The following CUL9 variants were observed in gnomAD, a reference collection of about 807,000 sequenced individuals.
CUL9 encodes the protein cullin-9.
A neutral mutation model predicts 272.6 loss-of-function variants in CUL9; 79 were observed. That is an observed-to-expected ratio of 0.29 (90% CI 0.24 to 0.35). CUL9 has a LOEUF of 0.35. Among genes scored for constraint, CUL9 ranks in the 10% least tolerant of loss-of-function variants. CUL9 has a pLI of 1.00. For missense variants in CUL9, 2,532 were observed against 3,255.6 expected, an observed-to-expected ratio of 0.78 and a Z score of 5.41; for synonymous variants, 1,186 against 1,286.5, an observed-to-expected ratio of 0.92 and a Z score of 1.67.
chr6:43,202,522 C>T (rs770608646), intron 16 of CUL9, among the ~76,000 whole-genome samples, 194 bp from the exon 17 acceptor site: 1 of 152,132 alleles, frequency 6.6e-6, no homozygotes, highest in Non-Finnish European at 1.5e-5. Flanking sequence ...GAACTGAAAC[C>T]AGGGCTCTGG....
chr6:43,198,311 A>G, intron 11 of CUL9: 1 of 979,106 alleles, frequency 1.0e-6, no homozygotes, highest in Non-Finnish European at 1.2e-6. Context: ...GTACAGGGAT[A>G]TAATCATCAT....
At position 43,223,605 on chromosome 6, in the gene CUL9, A is replaced by G. The variant is rs1011374447; in HGVS notation, c.7284+208A>G. ...ATCACTTCACCTCCTGGGGATTCCT[A>G]CAAAATAAAGGGGTTGGCTAGCCCA... On this transcript the variant is annotated intron_variant, in intron 39 of 40. Coordinates refer to ENST00000252050, the MANE Select transcript of CUL9 (RefSeq NM_015089.4). This position sits in a 1 kb window ranked among gnomAD's most constrained non-coding sequence, Gnocchi z 4.1. The G allele has an allele frequency of 3.1e-6, 2 of 640,942 alleles. No individual in the cohort carries two copies. Among genetic ancestry groups the G allele is most frequent in the Non-Finnish European group, 5.2e-6 (2 of 381,600 alleles). The allele number at this position is 640,942 out of a possible 1,614,324, so 39.7% of individuals were successfully genotyped here.
chr6:43,213,607 CG>C lies in CUL9; in HGVS notation c.5488+46del. 1.2e-6 allele frequency: 2 copies of C among 1,601,534 alleles called. No homozygotes were observed. Among genetic ancestry groups the C allele is most frequent in the Non-Finnish European group, 1.7e-6 (2 of 1,173,346 alleles). ...GCCGGGCTGAGCCTCTGCTGCTGGT[CG>C]GGGGGTCGCCCTCAAGATGGGGGGA... On this transcript the variant is annotated intron_variant, in intron 28 of 40. Coordinates refer to ENST00000252050, the MANE Select transcript of CUL9 (RefSeq NM_015089.4). This position sits in a 1 kb window ranked among gnomAD's most constrained non-coding sequence, Gnocchi z 5.7.
Position 43,216,528 on chromosome 6 carries a change from T to G in CUL9, c.6282+25T>G. The G allele has an allele frequency of 1.9e-6, 3 of 1,552,796 alleles. No homozygotes were observed. The African/African-American group carries it at 4.1e-5, about 21-fold the overall frequency. On this transcript the variant is annotated intron_variant, in intron 31 of 40. Coordinates refer to ENST00000252050, the MANE Select transcript of CUL9 (RefSeq NM_015089.4). ...GGTGAGGCCCCACCAGCATTGCTCC[T>G]GCCCCTGGCTTTCTGCCCTACCCTA...
rs146958034 is a variant in CUL9 at position 43,206,179 on chromosome 6, G to A, written c.4966G>A (p.Asp1656Asn). Residue 1656 changes from aspartate to asparagine, a missense_variant, in exon 25 of 41, where the codon GAC (aspartate) becomes AAC (asparagine). Physicochemically the swap from Asp to Asn is conservative, Grantham distance 23 (BLOSUM62 1). This residue lies in a region of CUL9 where 2,218 missense variants were observed against 2,788.6 expected (regional missense o/e 0.80). Coordinates refer to ENST00000252050, the MANE Select transcript of CUL9 (RefSeq NM_015089.4). The surrounding 1 kb of genome is among the most constrained non-coding windows in gnomAD (Gnocchi z 4.8). ...QFHLFQLQRLDKLFLEQEDEE... is the reference protein window; with the variant it reads ...QFHLFQLQRLNKLFLEQEDEE... ...CCACCTCTTCCAGCTCCAGCGGCTC[G>A]ACAAGTTGTTCTTGGAGCAGGAAGA... 2.9e-5 allele frequency: 46 copies of A among 1,612,012 alleles called. No individual in the cohort carries two copies. Among genetic ancestry groups the A allele is most frequent in the Non-Finnish European group, 3.7e-5 (44 of 1,179,394 alleles).
In CUL9 at chr6:43,221,364, G is replaced by A; in HGVS notation, c.6752+43G>A. The A allele has an allele frequency of 6.6e-7, 1 of 1,522,206 alleles. No homozygotes were observed. The highest frequency in any genetic ancestry group is 8.9e-7 in the Non-Finnish European group (1 of 1,125,866). The allele number at this position is 1,522,206 out of a possible 1,614,324, so 94.3% of individuals were successfully genotyped here. On this transcript the variant is annotated intron_variant, in intron 34 of 40. Coordinates refer to ENST00000252050, the MANE Select transcript of CUL9 (RefSeq NM_015089.4). This position sits in a 1 kb window ranked among gnomAD's most constrained non-coding sequence, Gnocchi z 4.2. Reference sequence around the variant, plus strand: ...GTGGGGAGCCAGAGGGCAAGGAGGGGGGAGGAGGCCTGGCAGAAGGAGGGG... The same window carrying A: ...GTGGGGAGCCAGAGGGCAAGGAGGGAGGAGGAGGCCTGGCAGAAGGAGGGG...
In CUL9 at chr6:43,218,584, C is replaced by G. The variant is rs1776104417; in HGVS notation, c.6283-1875C>G. On this transcript the variant is annotated intron_variant, in intron 31 of 40. Transcript: ENST00000252050. This position sits in a 1 kb window ranked among gnomAD's most constrained non-coding sequence, Gnocchi z 4.4. ...GGCTTGGAGGGAGCAAGAGTGGAAG[C>G]AGGAAGGCCCATTTGGTGACTGTTG... 6.6e-6 allele frequency among the ~76,000 whole-genome samples: 1 copy of G among 152,168 alleles called. No homozygotes were observed. The highest frequency in any genetic ancestry group is 1.5e-5 in the Non-Finnish European group (1 of 68,030).
Position 43,199,665 on chromosome 6 carries a change from G to C in CUL9, c.3157-264G>C, listed in dbSNP as rs997447524. Among the ~76,000 whole-genome samples the C allele has an allele frequency of 1.3e-5, 2 of 151,676 alleles. No homozygotes were observed. The highest frequency in any genetic ancestry group is 6.6e-5 in the Admixed American group (1 of 15,264). ...CCGGGTTTGTGCATTGGAGAGCAAG[G>C]CTCAGGCACCAGGGTTAACATAGCT... On this transcript the variant is annotated intron_variant, in intron 13 of 40. Transcript: ENST00000252050. This position sits in a 1 kb window ranked among gnomAD's most constrained non-coding sequence, Gnocchi z 4.4.
Position 43,203,208 on chromosome 6 carries a change from G to C in CUL9, c.3849+4G>C. ...CCGCATAAAGCGCTGCCAGCAGGTGGTGTTAGGGTGTCAGCCAGGGCTGAG... is the reference window on the plus strand; with the variant it reads ...CCGCATAAAGCGCTGCCAGCAGGTGCTGTTAGGGTGTCAGCCAGGGCTGAG... On this transcript the variant is annotated splice_donor_region_variant and intron_variant, in intron 18 of 40. Transcript: ENST00000252050. This position sits in a 1 kb window ranked among gnomAD's most constrained non-coding sequence, Gnocchi z 5.0. 5.0e-6 allele frequency: 8 copies of C among 1,614,166 alleles called. No individual in the cohort carries two copies. Among genetic ancestry groups the C allele is most frequent in the Non-Finnish European group, 6.8e-6 (8 of 1,180,016 alleles).
In CUL9 at chr6:43,223,320, G is replaced by A. The variant is rs1217815853; in HGVS notation, c.7207G>A (p.Asp2403Asn). 22 of 1,601,104 alleles carry A rather than the reference G, an allele frequency of 1.4e-5. No homozygotes were observed. The highest frequency in any genetic ancestry group is 1.7e-5 in the Non-Finnish European group (20 of 1,173,932). The change falls in exon 39 of 41, where the codon GAC becomes AAC. Residue 2403 changes from aspartate (D) to asparagine (N), a missense_variant. Transcript: ENST00000252050. This position sits in a 1 kb window ranked among gnomAD's most constrained non-coding sequence, Gnocchi z 4.1. Reference sequence around the variant, plus strand: ...CTCCTCCCTGCGCCTCCTGCGGGCCGACTGCCTCAGCACGGGCATGGAGCT... The same window carrying A: ...CTCCTCCCTGCGCCTCCTGCGGGCCAACTGCCTCAGCACGGGCATGGAGCT... ...LASSLRLLRADCLSTGMELLR... is the reference protein window; with the variant it reads ...LASSLRLLRANCLSTGMELLR...
intron 37 of CUL9, 27 bp downstream of exon 37, chr6:43,222,668 G>A: frequency 1.2e-6 from 2 of 1,609,662 alleles, no homozygotes; most frequent in South Asian, 2.2e-5. Context: ...GAAGAGAGCA[G>A]GGGAGGGGTG....
At position 43,221,530 on chromosome 6, in the gene CUL9, C is replaced by A; in HGVS notation, c.6753-155C>A. 2.3e-6 allele frequency: 2 copies of A among 868,416 alleles called. No homozygotes were observed. The highest frequency in any genetic ancestry group is 3.5e-6 in the Non-Finnish European group (2 of 570,744). 53.8% of individuals were successfully genotyped at this position (868,416 alleles called of 1,614,324 possible). A position where few individuals can be genotyped will look rare whatever the true frequency, so the allele number is the denominator to read the frequency against. ...CACACTGACTGGGGGAGTTCAAAAG[C>A]AGAGGTGCATTCAGCAGGGCTGGGT... On this transcript the variant is annotated intron_variant, in intron 34 of 40. Coordinates refer to ENST00000252050, the MANE Select transcript of CUL9 (RefSeq NM_015089.4). The surrounding 1 kb of genome is among the most constrained non-coding windows in gnomAD (Gnocchi z 4.2).
chr6:43,204,662 G>A, intron 21 of CUL9, 86 bp from the exon 22 acceptor site: 1 of 1,579,836 alleles, frequency 6.3e-7, no homozygotes, highest in Non-Finnish European at 8.6e-7. Flanking sequence ...AGACCTACTG[G>A]CCTTTCCAGG....
intron 26 of CUL9, chr6:43,212,794 T>G (rs1228306679): frequency 1.4e-5 from 3 of 219,066 alleles, no homozygotes; most frequent in Admixed American, 1.0e-4. Context: ...AGGCTCACCT[T>G]GCCTGAGCTG....
chr6:43,217,185 G>A (rs777592541), intron 31 of CUL9, among the ~76,000 whole-genome samples: 31 of 152,010 alleles, frequency 2.0e-4, no homozygotes, highest in Non-Finnish European at 3.1e-4. Flanking sequence ...GCAAGACCCC[G>A]TCTCTACAAA....
intron 20 of CUL9, 154 bp downstream of exon 20, chr6:43,204,141 C>T: frequency 9.3e-7 from 1 of 1,077,224 alleles, no homozygotes; most frequent in South Asian, 1.7e-5. Flanking sequence ...CCAGGCACTG[C>T]TCCCTGAGAC....
intron 31 of CUL9, among the ~76,000 whole-genome samples, chr6:43,219,225 A>G (rs1017631357): frequency 6.6e-6 from 1 of 152,086 alleles, no homozygotes; most frequent in Non-Finnish European, 1.5e-5. Context: ...GGGGCCTGAA[A>G]ACCAGGCAGA....
chr6:43,188,374 A>T, intron 7 of CUL9, 149 bp from the exon 8 acceptor site: 1 of 850,744 alleles, frequency 1.2e-6, no homozygotes, highest in Non-Finnish European at 1.8e-6. Flanking sequence ...TGATCATTAG[A>T]TCCCTGACAC....
At chr6:43,216,547 T>C (rs13198783) in intron 31 of CUL9, 44 bp downstream of exon 31, 2 of 1,507,298 alleles carry the variant, frequency 1.3e-6, no homozygotes, top group Non-Finnish European at 1.8e-6. Context: ...CTTTCTGCCC[T>C]ACCCTAACAA....
Sources: allele counts gnomAD v4.1 joint callset (sites outside exome capture counted in the v4.1 genomes callset), GRCh38; gene constraint gnomAD v4.1.1; regional missense constraint gnomAD v4.1.1; non-coding constraint Gnocchi (gnomAD v3.1); transcripts MANE v1.5; gene names NCBI Gene and HGNC (gene_info 2026-07-23, HGNC 2026-07-21).